Variants in FARS2 observed in about 807,000 individuals in gnomAD.
FARS2 encodes phenylalanyl-tRNA synthetase 2, mitochondrial, also known as phenylalanine--tRNA ligase, mitochondrial.
In FARS2, 40 loss-of-function variants were observed where a neutral mutation model predicts 46.4. The observed-to-expected ratio is 0.86, with a 90% CI of 0.67 to 1.12. FARS2 has a LOEUF of 1.12. FARS2 is among the 50% of genes most tolerant of loss of function. The pLI is 0.00. For missense variants in FARS2, 513 were observed against 567.9 expected (o/e 0.90, Z 0.98); for synonymous variants, 234 against 214.9 (o/e 1.09, Z -0.78).
chr6:5,260,742 G>C (rs1324113667), upstream of FARS2: 1 of 1,519,752 alleles, frequency 6.6e-7, no homozygotes, highest in Non-Finnish European at 8.8e-7. Flanking sequence ...ATTTTGGAAA[G>C]AAAAAAAAAT....
At chr6:5,601,998 C>T (rs1299067510) in intron 5 of FARS2, among the ~76,000 whole-genome samples, 1 of 152,144 alleles carries the variant, frequency 6.6e-6, no homozygotes, top group Non-Finnish European at 1.5e-5. Flanking sequence ...AGACCCTCTC[C>T]TGTTTGACAT....
Position 5,510,566 on chromosome 6 carries a change from G to A in FARS2, c.905-34614G>A, listed in dbSNP as rs79367493. ...GGTGGGCACACGGTGCCTTTTGAGC[G>A]CGGGAGAGGGTTGTGAGCTGTTTGT... On this transcript the variant is annotated intron_variant, in intron 4 of 6. Coordinates refer to ENST00000274680, the MANE Select transcript of FARS2 (RefSeq NM_006567.5). Among the ~76,000 whole-genome samples, 116 of 152,362 alleles carry A rather than the reference G, an allele frequency of 7.6e-4. No homozygotes were observed. The East Asian group carries it at 0.015, about 20-fold the overall frequency.
intron 6 of FARS2, among the ~76,000 whole-genome samples, chr6:5,733,313 G>A (rs1243210380): frequency 6.6e-6 from 1 of 152,158 alleles, no homozygotes; most frequent in East Asian, 1.9e-4. Context: ...AAGTGAAAAT[G>A]GGATTTCGTT....
chr6:5,571,320 C>T (rs191551002), intron 5 of FARS2, among the ~76,000 whole-genome samples: 39 of 152,326 alleles, frequency 2.6e-4, no homozygotes, highest in Non-Finnish European at 3.1e-4. Flanking sequence ...CTGTGACATA[C>T]GGGTGTAATA....
chr6:5,609,474 C>T, intron 5 of FARS2: 4 of 1,203,462 alleles, frequency 3.3e-6, no homozygotes, highest in Non-Finnish European at 3.7e-6. Context: ...ATCCGCCCTG[C>T]CACCATATCC....
At chr6:5,645,733 T>A (rs917872507) in intron 6 of FARS2, among the ~76,000 whole-genome samples, 3 of 152,236 alleles carry the variant, frequency 2.0e-5, no homozygotes, top group African/African-American at 7.2e-5. Flanking sequence ...ATGTATTGTC[T>A]GGCACAGCCG....
intron 4 of FARS2, among the ~76,000 whole-genome samples, chr6:5,507,842 A>G (rs937561550): frequency 6.6e-6 from 1 of 152,216 alleles, no homozygotes; most frequent in African/African-American, 2.4e-5. Flanking sequence ...GAGGTGTATA[A>G]GAATTTGTTT....
chr6:5,385,936 C>T (rs966866398), intron 2 of FARS2, among the ~76,000 whole-genome samples: 2 of 152,054 alleles, frequency 1.3e-5, no homozygotes, highest in Admixed American at 6.6e-5. Context: ...TTGGTTGAAC[C>T]GAGTTGGATA....
At chr6:5,464,269 A>C (rs1765396974) in intron 4 of FARS2, among the ~76,000 whole-genome samples, 1 of 152,232 alleles carries the variant, frequency 6.6e-6, no homozygotes, top group African/African-American at 2.4e-5. Context: ...GCGACTCGGC[A>C]GAGCAGCTGG....
chr6:5,624,102 T>A (rs941791564), intron 6 of FARS2, among the ~76,000 whole-genome samples: 6 of 150,274 alleles, frequency 4.0e-5, no homozygotes, highest in Non-Finnish European at 7.3e-5. Context: ...ATTTTTATTG[T>A]AATGCTGGTG....
chr6:5,574,923 C>G (rs1037114552), intron 5 of FARS2, among the ~76,000 whole-genome samples: 1 of 151,614 alleles, frequency 6.6e-6, no homozygotes, highest in East Asian at 1.9e-4. Flanking sequence ...TTCTAGGATC[C>G]AGGGAATACT....
At chr6:5,310,416 A>T (rs1222310623) in intron 1 of FARS2, among the ~76,000 whole-genome samples, 1 of 151,978 alleles carries the variant, frequency 6.6e-6, no homozygotes. Flanking sequence ...GGAAAAAAAA[A>T]ACCTACAAAG....
At chr6:5,482,043 C>T (rs544162188) in intron 4 of FARS2, among the ~76,000 whole-genome samples, 7 of 152,078 alleles carry the variant, frequency 4.6e-5, no homozygotes, top group African/African-American at 9.6e-5. Context: ...GGAAAGAAGC[C>T]GAGGAAACAT....
chr6:5,720,701 G>A (rs867380213), intron 6 of FARS2, among the ~76,000 whole-genome samples: 5 of 152,200 alleles, frequency 3.3e-5, no homozygotes, highest in Non-Finnish European at 7.4e-5. Context: ...TTTATTTGGG[G>A]TTATATCTAC....
intron 6 of FARS2, among the ~76,000 whole-genome samples, chr6:5,712,299 A>G (rs1246721499): frequency 6.6e-6 from 1 of 152,162 alleles, no homozygotes; most frequent in Non-Finnish European, 1.5e-5. Context: ...GAGTTACTTC[A>G]TTACAAAAAT....
chr6:5,439,339 G>A (rs1400470871), intron 4 of FARS2, among the ~76,000 whole-genome samples: 2 of 152,148 alleles, frequency 1.3e-5, no homozygotes, highest in Admixed American at 1.3e-4. Context: ...TCCTCAACTC[G>A]CAGAATCCCT....
At chr6:5,329,575 A>T (rs1156907140) in intron 1 of FARS2, among the ~76,000 whole-genome samples, 4 of 152,124 alleles carry the variant, frequency 2.6e-5, no homozygotes, top group Non-Finnish European at 4.4e-5. Flanking sequence ...CAGGCTAAAA[A>T]CTGTCTCAAG....
At chr6:5,646,423 T>C (rs1258786957) in intron 6 of FARS2, among the ~76,000 whole-genome samples, 1 of 152,136 alleles carries the variant, frequency 6.6e-6, no homozygotes, top group Non-Finnish European at 1.5e-5. Flanking sequence ...GGCAGTGGGC[T>C]CACACAGTCT....
chr6:5,555,031 C>T (rs982784052), intron 5 of FARS2, among the ~76,000 whole-genome samples: 16 of 152,080 alleles, frequency 1.1e-4, no homozygotes, highest in Admixed American at 1.0e-3. Context: ...ATTGTACTCC[C>T]ATAATTCCCA....
Sources: gnomAD v4.1 joint callset for allele counts (sites outside exome capture counted in the v4.1 genomes callset) on GRCh38, gnomAD v4.1.1 for gene constraint, MANE v1.5 for transcripts, NCBI Gene and HGNC (gene_info 2026-07-23, HGNC 2026-07-21) for gene names.